The following KCNIP4 variants were observed in gnomAD, a reference collection of about 807,000 sequenced individuals.
KCNIP4 encodes Kv channel-interacting protein 4.
KCNIP4 carries 12 observed loss-of-function variants against 34.0 expected under a neutral mutation model. The ratio of observed to expected loss-of-function variants is 0.35; its 90% CI spans 0.23 to 0.57. The LOEUF is 0.57. Ranked by LOEUF, KCNIP4 falls within the 20% of genes least tolerant of loss-of-function variation. The pLI, the probability that KCNIP4 is intolerant of heterozygous loss-of-function variation, is 0.83. For missense variants in KCNIP4, 238 were observed against 311.7 expected (o/e 0.76, Z 1.78); for synonymous variants, 124 against 102.2 (o/e 1.21, Z -1.29).
At chr4:21,013,455 C>G (rs761504622) in intron 1 of KCNIP4, among the ~76,000 whole-genome samples, 3 of 152,030 alleles carry the variant, frequency 2.0e-5, no homozygotes, top group Admixed American at 6.6e-5. Context: ...CCCCCAGACA[C>G]CAGGCATGGG....
chr4:21,081,898 C>T (rs1746039483), intron 1 of KCNIP4, among the ~76,000 whole-genome samples: 1 of 151,738 alleles, frequency 6.6e-6, no homozygotes, highest in South Asian at 2.1e-4. Context: ...TACCATCTAA[C>T]AAATGGAGGA....
chr4:21,338,643 C>T (rs141259714), intron 1 of KCNIP4, among the ~76,000 whole-genome samples: 12 of 151,168 alleles, frequency 7.9e-5, no homozygotes, highest in African/African-American at 2.9e-4. Context: ...TAAACAAAAG[C>T]AAAATGAAAG....
intron 5 of KCNIP4, among the ~76,000 whole-genome samples, chr4:20,735,518 G>GTTTTTT (rs754949562): frequency 6.9e-5 from 9 of 130,806 alleles, no homozygotes; most frequent in African/African-American, 2.0e-4. Context: ...TTCATTTAGT[G>GTTTTTT]TTTTTTTTTT....
At chr4:20,731,717 T>TTTTATCCTCCA in intron 8 of KCNIP4, 4 of 985,090 alleles carry the variant, frequency 4.1e-6, no homozygotes, top group Non-Finnish European at 4.8e-6. Context: ...CTCATGTATG[T>TTTTATCCTCCA]TTTATCCTCC....
intron 1 of KCNIP4, among the ~76,000 whole-genome samples, chr4:21,169,576 A>G (rs1391821292): frequency 6.6e-6 from 1 of 151,996 alleles, no homozygotes; most frequent in Non-Finnish European, 1.5e-5. Flanking sequence ...ATGAGGTTCT[A>G]ATGCTACCAA....
intron 1 of KCNIP4, among the ~76,000 whole-genome samples, chr4:21,284,175 T>A (rs897828828): frequency 6.7e-6 from 1 of 149,680 alleles, no homozygotes; most frequent in Non-Finnish European, 1.5e-5. Flanking sequence ...ATTGCACCAC[T>A]GCACTCCAGC....
intron 1 of KCNIP4, among the ~76,000 whole-genome samples, chr4:21,409,786 C>G (rs914637105): frequency 2.9e-4 from 44 of 152,074 alleles, no homozygotes; most frequent in Admixed American, 1.8e-3. Flanking sequence ...GTGATGGGAA[C>G]TGAGGGGACC....
At chr4:21,320,380 G>C (rs1017850551) in intron 1 of KCNIP4, among the ~76,000 whole-genome samples, 4 of 152,180 alleles carry the variant, frequency 2.6e-5, no homozygotes, top group African/African-American at 7.2e-5. Context: ...TGGGAAACTT[G>C]AAAGAGTGAG....
chr4:20,951,450 G>A (rs1250542870), intron 1 of KCNIP4, among the ~76,000 whole-genome samples: 1 of 152,106 alleles, frequency 6.6e-6, no homozygotes, highest in African/African-American at 2.4e-5. Flanking sequence ...TAATACTAAC[G>A]AGAAAAAGTT....
intron 1 of KCNIP4, among the ~76,000 whole-genome samples, chr4:21,382,037 C>T (rs900313082): frequency 2.0e-5 from 3 of 152,140 alleles, no homozygotes; most frequent in African/African-American, 7.2e-5. Context: ...AAAGGGGAAA[C>T]ATTTCAAAAA....
At chr4:21,672,878 T>C (rs114636301) in intron 1 of KCNIP4, among the ~76,000 whole-genome samples, 51 of 152,300 alleles carry the variant, frequency 3.3e-4, no homozygotes, top group African/African-American at 1.2e-3. Flanking sequence ...GCCTGGGAGA[T>C]CTGCTGCCAT....
At chr4:21,180,044 G>A (rs1262978352) in intron 1 of KCNIP4, among the ~76,000 whole-genome samples, 1 of 152,142 alleles carries the variant, frequency 6.6e-6, no homozygotes, top group Non-Finnish European at 1.5e-5. Context: ...TTTCCATCAA[G>A]AGCTTTAACA....
chr4:21,349,683 G>A (rs1189338353), intron 1 of KCNIP4, among the ~76,000 whole-genome samples: 2 of 152,122 alleles, frequency 1.3e-5, no homozygotes, highest in Admixed American at 6.5e-5. Context: ...AGCCACCAGA[G>A]CCCTGGGTGT....
At chr4:20,974,854 G>T (rs915963651) in intron 1 of KCNIP4, among the ~76,000 whole-genome samples, 1 of 152,078 alleles carries the variant, frequency 6.6e-6, no homozygotes, top group South Asian at 2.1e-4. Context: ...TTCTTTCCTG[G>T]ATGATTGAAT....
At chr4:21,544,128 C>A (rs912487578) in intron 1 of KCNIP4, among the ~76,000 whole-genome samples, 8 of 152,038 alleles carry the variant, frequency 5.3e-5, no homozygotes, top group Middle Eastern at 3.2e-3. Flanking sequence ...CAGCTTTTTG[C>A]ATGAATAAAC....
In KCNIP4 at chr4:21,878,863, T is replaced by C. The variant is rs114858379; in HGVS notation, c.61+69708A>G. On this transcript the variant is annotated intron_variant, in intron 1 of 8. Coordinates refer to ENST00000382152, the MANE Select transcript of KCNIP4 (RefSeq NM_025221.6). ...TTATTAGAATGAAGTGAGATGAACA[T>C]AAAGAAGTGAGCTGAGTACTACTTA... Among the ~76,000 whole-genome samples, 963 of 152,250 alleles carry C rather than the reference T, an allele frequency of 6.3e-3. 14 individuals carry two copies. The highest frequency in any genetic ancestry group is 0.022 in the African/African-American group (908 of 41,540).
chr4:21,732,294 A>G (rs1332427355), intron 1 of KCNIP4, among the ~76,000 whole-genome samples: 3 of 152,098 alleles, frequency 2.0e-5, no homozygotes, highest in African/African-American at 7.2e-5. Context: ...TAATTGAGAA[A>G]ATAATAAAAG....
chr4:21,791,155 C>G (rs1275547020), intron 1 of KCNIP4, among the ~76,000 whole-genome samples: 1 of 152,034 alleles, frequency 6.6e-6, no homozygotes. Context: ...AAATTGCCAG[C>G]ATGTTTGGGT....
chr4:20,806,119 A>C (rs1179926336), intron 3 of KCNIP4, among the ~76,000 whole-genome samples: 3 of 151,880 alleles, frequency 2.0e-5, no homozygotes, highest in African/African-American at 7.3e-5. Context: ...TCTACATTTT[A>C]ATTACTTTTT....
Sources: gnomAD v4.1 joint callset for allele counts (sites outside exome capture counted in the v4.1 genomes callset) on GRCh38, gnomAD v4.1.1 for gene constraint, MANE v1.5 for transcripts, NCBI Gene and HGNC (gene_info 2026-07-23, HGNC 2026-07-21) for gene names.